ABCA2: variants seen among roughly 807,000 people sequenced by gnomAD.
ABCA2 encodes ATP binding cassette subfamily A member 2, also known as ATP-binding cassette sub-family A member 2.
In ABCA2, 84 loss-of-function variants were observed where a neutral mutation model predicts 262.8. That is an observed-to-expected ratio of 0.32 (90% CI 0.27 to 0.38). The LOEUF is 0.38. ABCA2 is among the 10% of genes least tolerant of loss of function. ABCA2 has a pLI of 1.00. For missense variants in ABCA2, 2,662 were observed against 3,405.9 expected (o/e 0.78, Z 5.44); for synonymous variants, 1,696 against 1,502.9 (o/e 1.13, Z -2.97).
At chr9:137,010,582 A>AGCCC in intron 40 of ABCA2, 38 bp downstream of exon 40, 8 of 1,058,640 alleles carry the variant, frequency 7.6e-6, no homozygotes, top group South Asian at 1.3e-5. Context: ...GCCCTGGCCT[A>AGCCC]CCCCACCCAG....
rs760846038 is a variant in ABCA2 at position 137,011,384 on chromosome 9, C to T, written c.5799+23G>A. The stretch of plus-strand genomic sequence containing the variant: ...ACAGCCTCCGCAGGGTCCGCCACCC[C>T]CACCATGTCGTCACCGCCCCACCTT... On this transcript the variant is annotated intron_variant, in intron 37 of 48. Coordinates refer to ENST00000341511, the MANE Select transcript of ABCA2 (RefSeq NM_001606.5). The surrounding 1 kb of genome is among the most constrained non-coding windows in gnomAD (Gnocchi z 8.8). 1 of 1,608,594 alleles carries T rather than the reference C, an allele frequency of 6.2e-7. No homozygotes were observed.
At chr9:137,025,473 C>G (rs955512526) in intron 1 of ABCA2, among the ~76,000 whole-genome samples, 1 of 152,242 alleles carries the variant, frequency 6.6e-6, no homozygotes, top group Non-Finnish European at 1.5e-5. Context: ...CTGTGTGGCC[C>G]GGGCCGAGTC....
chr9:137,011,019 A>G lies in ABCA2; in HGVS notation c.6010T>C (p.Phe2004Leu). 1 of 1,608,352 alleles carries G rather than the reference A, an allele frequency of 6.2e-7. No individual in the cohort carries two copies. Among genetic ancestry groups the G allele is most frequent in the Non-Finnish European group, 8.5e-7 (1 of 1,178,416 alleles). The change falls in exon 39 of 49, where the codon TTC (phenylalanine) becomes CTC (leucine). Residue 2004 changes from phenylalanine (F) to leucine (L), a missense_variant. This residue lies in a region of ABCA2 where 602 missense variants were observed against 897.4 expected (regional missense o/e 0.67). Transcript: ENST00000341511. This position sits in a 1 kb window ranked among gnomAD's most constrained non-coding sequence, Gnocchi z 8.8. ...TACTGGCACATGATGGTCAGGAGGAAGCCCACGACGCCCTCAACCGCCATG... is the reference window on the plus strand; with the variant it reads ...TACTGGCACATGATGGTCAGGAGGAGGCCCACGACGCCCTCAACCGCCATG... ...VAMAVEGVVG[F>L]LLTIMCQYNF...
intron 13 of ABCA2, 152 bp from the exon 14 acceptor site, chr9:137,018,503 A>G: frequency 9.6e-6 from 3 of 314,074 alleles, no homozygotes; most frequent in Non-Finnish European, 1.7e-5. Context: ...TGGGGGCCCC[A>G]GGGGAAAGGT....
rs993745096 is a variant in ABCA2 at position 137,022,957 on chromosome 9, G to T, written c.259C>A (p.Gln87Lys). 1.9e-6 allele frequency: 3 copies of T among 1,581,472 alleles called. No individual in the cohort carries two copies. The highest frequency in any genetic ancestry group is 1.3e-5 in the African/African-American group (1 of 74,484). The change falls in exon 4 of 49, where the codon CAG (glutamine) becomes AAG (lysine). Residue 87 changes from glutamine to lysine, a missense_variant. By Grantham distance (53) the Gln-to-Lys change is moderately conservative. This residue lies in a region of ABCA2 where 101 missense variants were observed against 152.3 expected (regional missense o/e 0.66). Transcript: ENST00000341511. ...GGCACTCACGTGGAGTTGGCGTACT[G>T]CAGGAAGCCGAACTCGTCTCGCTGG... is the stretch of plus-strand genomic sequence containing the variant. ...DGQRDEFGFL[Q>K]YANSTVTQLL... is the part of the protein sequence containing the mutation.
In ABCA2 at chr9:137,010,049, G is replaced by A. The variant is rs757133441; in HGVS notation, c.6429C>T (p.Leu2143=). 3.7e-6 allele frequency: 6 copies of A among 1,601,782 alleles called. No homozygotes were observed. The change falls in exon 42 of 49, where the codon CTC becomes CTT. Residue 2143 remains leucine, a synonymous_variant. Coordinates refer to ENST00000341511, the MANE Select transcript of ABCA2 (RefSeq NM_001606.5). ...ACAGCTGCAGGTGCTCCCGGGCCGT[G>A]AGCTCGTCGAACAGCGCGTCACACT... ...CPQCDALFDE[L]TAREHLQLYT...
rs932884872 is a variant in ABCA2 at position 137,007,761 on chromosome 9, C to T, written c.*168G>A. On this transcript the variant is annotated 3_prime_UTR_variant, in exon 49 of 49. Coordinates refer to ENST00000341511, the MANE Select transcript of ABCA2 (RefSeq NM_001606.5). ...AATTAGGGGCGGCAACCGCAGTGAC[C>T]ACAGGGCATGGCCGAGTACAGGGGC... 4.5e-5 allele frequency: 42 copies of T among 938,144 alleles called. No individual in the cohort carries two copies. Among genetic ancestry groups the T allele is most frequent in the African/African-American group, 6.6e-5 (4 of 61,040 alleles). The allele number at this position is 938,144 out of a possible 1,614,324, so 58.1% of individuals were successfully genotyped here.
chr9:137,011,209 A>G lies in ABCA2; in HGVS notation c.5900T>C (p.Ile1967Thr). The G allele has an allele frequency of 6.2e-7, 1 of 1,612,332 alleles. No homozygotes were observed. Among genetic ancestry groups the G allele is most frequent in the Non-Finnish European group, 8.5e-7 (1 of 1,179,822 alleles). The change falls in exon 38 of 49, where the codon ATC (isoleucine) becomes ACC (threonine). Residue 1967 changes from isoleucine to threonine, a missense_variant. Coordinates refer to ENST00000341511, the MANE Select transcript of ABCA2 (RefSeq NM_001606.5). The surrounding 1 kb of genome is among the most constrained non-coding windows in gnomAD (Gnocchi z 8.8). ...GLMEMAYNEY[I>T]NEYYAKIGQF... ...ACCAATCTTGGCGTAGTACTCGTTGATGTACTCGTTGTAGGCCATCTCCAT... is the reference window on the plus strand; with the variant it reads ...ACCAATCTTGGCGTAGTACTCGTTGGTGTACTCGTTGTAGGCCATCTCCAT...
Position 137,022,411 on chromosome 9 carries a change from G to A in ABCA2, c.507C>T (p.Asn169=), listed in dbSNP as rs776975568. ...GGGCCGTGCTATTGGGCAGCGACAA[G>A]TTTTGCGTCAGGAAACGCCAGAGCT... The part of the protein sequence containing the change: ...PQELWRFLTQ[N]LSLPNSTAQA... The change falls in exon 6 of 49, where the codon AAC becomes AAT. Residue 169 remains asparagine, a synonymous_variant. Transcript: ENST00000341511. The A allele has an allele frequency of 1.9e-6, 3 of 1,612,062 alleles. No homozygotes were observed. Among genetic ancestry groups the A allele is most frequent in the East Asian group, 4.5e-5 (2 of 44,856 alleles).
chr9:137,013,568 C>G lies in ABCA2; in HGVS notation c.4448-5G>C, dbSNP rs1164556141. ...GGACCAGCGGGGGCAGATCACCTGG[C>G]AGGGCGAGCAGGGAGGCCTGAGCAG... On this transcript the variant is annotated splice_polypyrimidine_tract_variant and splice_region_variant and intron_variant, in intron 28 of 48. Transcript: ENST00000341511. 1 of 1,603,014 alleles carries G rather than the reference C, an allele frequency of 6.2e-7. No homozygotes were observed. The highest frequency in any genetic ancestry group is 2.2e-5 in the East Asian group (1 of 44,506).
At position 137,018,785 on chromosome 9, in the gene ABCA2, C is replaced by G; in HGVS notation, c.1753G>C (p.Asp585His). ...GTGTAGTTGACAATGCTCTCCTCGTCGGGGAAGCCCTTGAAGATGTCCACG... is the reference window on the plus strand; with the variant it reads ...GTGTAGTTGACAATGCTCTCCTCGTGGGGGAAGCCCTTGAAGATGTCCACG... Reference protein sequence around the residue: ...VSVDIFKGFPDEESIVNYTLN... With the variant: ...VSVDIFKGFPHEESIVNYTLN... Residue 585 changes from aspartate (D) to histidine (H), a missense_variant, in exon 13 of 49, where the codon GAC becomes CAC. Coordinates refer to ENST00000341511, the MANE Select transcript of ABCA2 (RefSeq NM_001606.5). 3 of 1,612,584 alleles carry G rather than the reference C, an allele frequency of 1.9e-6. No individual in the cohort carries two copies. Among genetic ancestry groups the G allele is most frequent in the Admixed American group, 1.7e-5 (1 of 59,982 alleles).
chr9:137,026,506 C>CCCCA (rs1456740364), intron 1 of ABCA2, among the ~76,000 whole-genome samples: 1 of 152,204 alleles, frequency 6.6e-6, no homozygotes, highest in East Asian at 1.9e-4. Context: ...GGAAACAGTT[C>CCCCA]CCCACCTGCT....
At chr9:137,023,871 C>G (rs760746262) in intron 2 of ABCA2, 31 bp from the exon 3 acceptor site, 2 of 894,390 alleles carry the variant, frequency 2.2e-6, no homozygotes, top group African/African-American at 3.3e-5. Context: ...AGAGACCATG[C>G]GGGGAGGGAG....
chr9:137,021,085 C>A lies in ABCA2; in HGVS notation c.898-24G>T. On this transcript the variant is annotated intron_variant, in intron 8 of 48. Transcript: ENST00000341511. The surrounding 1 kb of genome is among the most constrained non-coding windows in gnomAD (Gnocchi z 6.0). ...AGCTGAGGGGAAACAGGCACGTGGG[C>A]AGTGCGGGGTGAGATGGACTGCAGG... is the stretch of plus-strand genomic sequence containing the variant. 1 of 1,464,866 alleles carries A rather than the reference C, an allele frequency of 6.8e-7. No homozygotes were observed. Among genetic ancestry groups the A allele is most frequent in the East Asian group, 2.5e-5 (1 of 40,744 alleles). 90.7% of individuals were successfully genotyped at this position (1,464,866 alleles called of 1,614,324 possible). A position where few individuals can be genotyped will look rare whatever the true frequency, so the allele number is the denominator to read the frequency against.
chr9:137,010,888 C>CCCCCCCCCCCGCCCCTACCCTG (rs1831014154), intron 39 of ABCA2, 85 bp downstream of exon 39: 25 of 425,670 alleles, frequency 5.9e-5, no homozygotes, highest in Non-Finnish European at 7.6e-5. Context: ...CCCATCCCTG[C>CCCCCCCCCCCGCCCCTACCCTG]CCCCACCCCC....
intron 19 of ABCA2, 55 bp downstream of exon 19, chr9:137,016,865 C>T: frequency 6.3e-7 from 1 of 1,595,452 alleles, no homozygotes; most frequent in Non-Finnish European, 8.5e-7. Flanking sequence ...TGCTGGTCCC[C>T]AACCCTGGCT....
Position 137,014,896 on chromosome 9 carries a change from C to T in ABCA2, c.3882+17G>A. On this transcript the variant is annotated intron_variant, in intron 25 of 48. Transcript: ENST00000341511. Reference sequence around the variant, plus strand: ...TCCACCACCTGCAACTGCCCCCCGACCCGTGCGCCCTCACACCTGGAAGAG... The same window carrying T: ...TCCACCACCTGCAACTGCCCCCCGATCCGTGCGCCCTCACACCTGGAAGAG... 6.3e-7 allele frequency: 1 copy of T among 1,577,942 alleles called. No homozygotes were observed. Among genetic ancestry groups the T allele is most frequent in the Non-Finnish European group, 8.6e-7 (1 of 1,159,522 alleles).
chr9:137,013,788 TG>T (rs767311684), intron 28 of ABCA2, 43 bp downstream of exon 28: 5 of 1,558,634 alleles, frequency 3.2e-6, no homozygotes, highest in Non-Finnish European at 2.6e-6. Context: ...CAGCGGGCGG[TG>T]GGGGGAGGCA....
Position 137,009,789 on chromosome 9 carries a change from A to C in ABCA2, c.6610T>G (p.Tyr2204Asp), listed in dbSNP as rs1372652130. Residue 2204 changes from tyrosine (Y) to aspartate (D), a missense_variant, in exon 43 of 49, where the codon TAC (tyrosine) becomes GAC (aspartate). Tyr to Asp is a radical substitution (Grantham distance 160, BLOSUM62 -3). This residue lies in a region of ABCA2 where 602 missense variants were observed against 897.4 expected (regional missense o/e 0.67). Transcript: ENST00000341511. The stretch of plus-strand genomic sequence containing the variant: ...CTTACCAGGAAGATGAAGGCTGGGT[A>C]CCCAATGAGGGCGATGGCCGTGGAG... ...KLSTAIALIG[Y>D]PAFIFLDEPT... 1.2e-6 allele frequency: 2 copies of C among 1,611,824 alleles called. No individual in the cohort carries two copies. The highest frequency in any genetic ancestry group is 1.7e-6 in the Non-Finnish European group (2 of 1,179,408).
Sources: gnomAD v4.1 joint callset for allele counts (sites outside exome capture counted in the v4.1 genomes callset) on GRCh38, gnomAD v4.1.1 for gene constraint, gnomAD v4.1.1 regional missense constraint, Gnocchi (gnomAD v3.1) non-coding constraint, MANE v1.5 for transcripts, NCBI Gene and HGNC (gene_info 2026-07-23, HGNC 2026-07-21) for gene names.